Variants in ZFYVE26 observed in about 807,000 individuals in gnomAD.
ZFYVE26 encodes zinc finger FYVE domain-containing protein 26.
In ZFYVE26, 181 loss-of-function variants were observed where a neutral mutation model predicts 276.5. The observed-to-expected ratio is 0.65, with a 90% CI of 0.58 to 0.74. The LOEUF (loss-of-function observed/expected upper bound fraction) is 0.74, where lower values mean the gene tolerates loss of function less well. Ranked by LOEUF, ZFYVE26 falls within the 30% of genes least tolerant of loss-of-function variation. The pLI, the probability that ZFYVE26 is intolerant of heterozygous loss-of-function variation, is 0.00. For missense variants in ZFYVE26, 2,821 were observed against 3,097.9 expected, an observed-to-expected ratio of 0.91 and a Z score of 2.12; for synonymous variants, 1,129 against 1,203.1, an observed-to-expected ratio of 0.94 and a Z score of 1.27.
intron 41 of ZFYVE26, among the ~76,000 whole-genome samples, chr14:67,750,113 T>C (rs2038597104): frequency 6.6e-6 from 1 of 152,222 alleles, no homozygotes; most frequent in African/African-American, 2.4e-5. Context: ...TCAGAGGACC[T>C]GGGCGTCTGT....
intron 33 of ZFYVE26, 57 bp downstream of exon 33, chr14:67,762,614 GC>G: frequency 6.2e-7 from 1 of 1,608,154 alleles, no homozygotes; most frequent in Middle Eastern, 2.2e-4. Context: ...GCAAGGCTAA[GC>G]AAAAGCAACT....
chr14:67,740,748 A>G (rs916746323), intron 13 of ZFYVE26, among the ~76,000 whole-genome samples: 8 of 152,136 alleles, frequency 5.3e-5, no homozygotes, highest in African/African-American at 1.9e-4. Flanking sequence ...TCTCTACTAA[A>G]AATAAAAAAA....
At chr14:67,801,955 TG>T in intron 10 of ZFYVE26, 123 bp downstream of exon 10, 1 of 1,059,096 alleles carries the variant, frequency 9.4e-7, no homozygotes, top group Non-Finnish European at 1.5e-6. Flanking sequence ...AAACTATCCC[TG>T]GGTGAAATAA....
At chr14:67,814,520 A>AAAACAAACAAACAAAC (rs201267729) in intron 2 of ZFYVE26, among the ~76,000 whole-genome samples, 35 of 151,124 alleles carry the variant, frequency 2.3e-4, no homozygotes, top group African/African-American at 4.4e-4. Flanking sequence ...CTCTGTCTCC[A>AAAACAAACAAACAAAC]AAACAAACAA....
In ZFYVE26 at chr14:67,747,448, G is replaced by T. The variant is rs917487382; in HGVS notation, c.*988C>A. On this transcript the variant is annotated 3_prime_UTR_variant, in exon 42 of 42. Coordinates refer to ENST00000347230, the MANE Select transcript of ZFYVE26 (RefSeq NM_015346.4). Reference sequence around the variant, plus strand: ...ACTGAAGGGAAGCAGGAGGGAAAAGGAAGCAGCTTCCTAACCAATTCAAGG... The same window carrying T: ...ACTGAAGGGAAGCAGGAGGGAAAAGTAAGCAGCTTCCTAACCAATTCAAGG... 6.6e-6 allele frequency: 1 copy of T among 152,158 alleles called. No individual in the cohort carries two copies. The highest frequency in any genetic ancestry group is 1.5e-5 in the Non-Finnish European group (1 of 68,048). The allele number at this position is 152,158 out of a possible 1,614,324, so 9.4% of individuals were successfully genotyped here. A position where few individuals can be genotyped will look rare whatever the true frequency, so the allele number is the denominator to read the frequency against.
At chr14:67,816,449 A>G (rs1453839266) in intron 1 of ZFYVE26, 85 bp downstream of exon 1, 2 of 158,102 alleles carry the variant, frequency 1.3e-5, no homozygotes, top group Non-Finnish European at 2.8e-5. Flanking sequence ...ATAAGTGGAA[A>G]GCAGTGTGGG....
intron 3 of ZFYVE26, 108 bp from the exon 4 acceptor site, chr14:67,809,397 G>A: frequency 3.3e-6 from 2 of 600,380 alleles, no homozygotes; most frequent in Admixed American, 3.2e-5. Flanking sequence ...ATTTCTCTAA[G>A]ATGAAGCACT....
intron 10 of ZFYVE26, chr14:67,799,070 G>C: frequency 8.4e-7 from 1 of 1,187,542 alleles, no homozygotes; most frequent in Admixed American, 1.7e-5. Flanking sequence ...CGATGAGCAG[G>C]GAACAGTGGA....
chr14:67,771,799 T>A (rs1011218851), intron 28 of ZFYVE26, among the ~76,000 whole-genome samples: 4 of 152,210 alleles, frequency 2.6e-5, no homozygotes, highest in Non-Finnish European at 5.9e-5. Flanking sequence ...CTCCTGCCTC[T>A]TTTTTATTAT....
intron 31 of ZFYVE26, 54 bp from the exon 32 acceptor site, chr14:67,766,501 T>G: frequency 1.3e-6 from 2 of 1,554,750 alleles, no homozygotes; most frequent in Non-Finnish European, 1.8e-6. Flanking sequence ...GCCAGAGCAT[T>G]CTCCAAAGGC....
In ZFYVE26 at chr14:67,802,154, G is replaced by T; in HGVS notation, c.1564C>A (p.Gln522Lys). The T allele has an allele frequency of 4.3e-6, 7 of 1,614,094 alleles. No individual in the cohort carries two copies. Among genetic ancestry groups the T allele is most frequent in the Non-Finnish European group, 5.9e-6 (7 of 1,180,030 alleles). Reference protein sequence around the residue: ...CVNSHQHSQCQDCKDSLSEDL... With the variant: ...CVNSHQHSQCKDCKDSLSEDL... Reference sequence around the variant, plus strand: ...TCAGAGAGGCTGTCTTTGCAGTCCTGGCACTGGGAGTGCTGGTGTGAGTTT... The same window carrying T: ...TCAGAGAGGCTGTCTTTGCAGTCCTTGCACTGGGAGTGCTGGTGTGAGTTT... The change falls in exon 10 of 42, where the codon CAG (glutamine) becomes AAG (lysine). Residue 522 changes from glutamine (Q) to lysine (K), a missense_variant. Coordinates refer to ENST00000347230, the MANE Select transcript of ZFYVE26 (RefSeq NM_015346.4).
chr14:67,761,973 T>C (rs2038942599), intron 34 of ZFYVE26: 3 of 589,666 alleles, frequency 5.1e-6, no homozygotes, highest in East Asian at 5.8e-5. Flanking sequence ...GTCATTTTTA[T>C]CTTTTTAAAA....
chr14:67,783,104 C>T lies in ZFYVE26; in HGVS notation c.4048G>A (p.Glu1350Lys), dbSNP rs775761984. 38 of 1,611,504 alleles carry T rather than the reference C, an allele frequency of 2.4e-5. 1 individual carries two copies. The highest frequency in any genetic ancestry group is 2.8e-5 in the Non-Finnish European group (33 of 1,178,090). The change falls in exon 21 of 42, where the codon GAG becomes AAG. Residue 1350 changes from glutamate (E) to lysine (K), a missense_variant. Physicochemically the swap from Glu to Lys is moderately conservative, Grantham distance 56. Transcript: ENST00000347230. ...RGRREVPLAA[E>K]QVARECERLL... ...CGCTCACACTCCCGGGCTACCTGCT[C>T]TGCAGCCAGAGGCACCTCCCTGCGG...
chr14:67,755,990 CT>C lies in ZFYVE26; in HGVS notation c.6743del (p.Lys2248ArgfsTer14). 1 of 1,614,194 alleles carries C rather than the reference CT, an allele frequency of 6.2e-7. No individual in the cohort carries two copies. Among genetic ancestry groups the C allele is most frequent in the Non-Finnish European group, 8.5e-7 (1 of 1,180,014 alleles). On this transcript the variant is annotated frameshift_variant, in exon 36 of 42. Transcript: ENST00000347230. LOFTEE classifies it high-confidence loss of function. ...LIAACQHLQK[K>X]NYYHILYELQ... is the part of the protein sequence containing the mutation. Reference sequence around the variant, plus strand: ...GCTCATACAGAATGTGGTAGTAGTTCTTCTTCTGTAAATGTTGGCAGGCAGC... The same window carrying C: ...GCTCATACAGAATGTGGTAGTAGTTCTCTTCTGTAAATGTTGGCAGGCAGC...
intron 20 of ZFYVE26, 141 bp from the exon 21 acceptor site, chr14:67,783,666 TA>T (rs1441830661): frequency 9.2e-7 from 1 of 1,084,708 alleles, no homozygotes; most frequent in Admixed American, 2.0e-5. Flanking sequence ...ACACAAAAAG[TA>T]GCCTATTAGA....
exon 14 of ZFYVE26, chr14:67,729,313 G>A: frequency 6.2e-7 from 1 of 1,600,970 alleles, no homozygotes; most frequent in Non-Finnish European, 8.5e-7. Flanking sequence ...GGCACGGGAG[G>A]GGGCGCAGAC....
chr14:67,756,345 GC>G, intron 35 of ZFYVE26, 200 bp from the exon 36 acceptor site: 1 of 645,630 alleles, frequency 1.5e-6, no homozygotes, highest in East Asian at 2.8e-5. Context: ...TTACAGAGAA[GC>G]CCCTAGACAG....
At chr14:67,792,500 C>T (rs1482988792) in intron 14 of ZFYVE26, among the ~76,000 whole-genome samples, 1 of 152,126 alleles carries the variant, frequency 6.6e-6, no homozygotes, top group Non-Finnish European at 1.5e-5. Flanking sequence ...AATGAGGAAA[C>T]CAAAGCTCAG....
chr14:67,747,210 G>C lies in ZFYVE26; in HGVS notation c.*1226C>G, dbSNP rs534698196. 6.6e-6 allele frequency: 1 copy of C among 152,370 alleles called. No homozygotes were observed. The highest frequency in any genetic ancestry group is 1.5e-5 in the Non-Finnish European group (1 of 68,058). The allele number at this position is 152,370 out of a possible 1,614,324, so 9.4% of individuals were successfully genotyped here. Reference sequence around the variant, plus strand: ...TTTCTCAAACATTGTCACATCTTGCGTGGGAAGACAAGACAGTGCATATTA... The same window carrying C: ...TTTCTCAAACATTGTCACATCTTGCCTGGGAAGACAAGACAGTGCATATTA... On this transcript the variant is annotated 3_prime_UTR_variant, in exon 42 of 42. Coordinates refer to ENST00000347230, the MANE Select transcript of ZFYVE26 (RefSeq NM_015346.4).
Sources: gnomAD v4.1 joint callset for allele counts (sites outside exome capture counted in the v4.1 genomes callset) on GRCh38, gnomAD v4.1.1 for gene constraint, MANE v1.5 for transcripts, NCBI Gene and HGNC (gene_info 2026-07-23, HGNC 2026-07-21) for gene names.